Variants in DNAH9 observed in about 807,000 individuals in gnomAD.
DNAH9 encodes dynein axonemal heavy chain 9, also known as DNAH9 variant protein.
DNAH9 carries 345 observed loss-of-function variants against 471.6 expected under a neutral mutation model. The observed-to-expected ratio is 0.73, with a 90% CI of 0.67 to 0.80. DNAH9 has a LOEUF of 0.80. DNAH9 is among the 30% of genes least tolerant of loss of function. The probability of loss-of-function intolerance (pLI) is 0.00; values close to 1 mark genes in which losing one functional copy is unlikely to be tolerated. For synonymous variants in DNAH9, 2,093 were observed against 2,123.6 expected, an observed-to-expected ratio of 0.99 and a Z score of 0.40; for missense variants, 5,407 against 5,609.2, an observed-to-expected ratio of 0.96 and a Z score of 1.15.
At chr17:11,803,856 C>T (rs1969560225) in intron 43 of DNAH9, among the ~76,000 whole-genome samples, 1 of 152,210 alleles carries the variant, frequency 6.6e-6, no homozygotes, top group Non-Finnish European at 1.5e-5. Flanking sequence ...CTCCACTAAT[C>T]CTTTCCTGCC....
chr17:11,869,982 C>CT (rs1177867116), intron 51 of DNAH9, among the ~76,000 whole-genome samples: 1 of 152,152 alleles, frequency 6.6e-6, no homozygotes, highest in African/African-American at 2.4e-5. Context: ...TGCTGGGCAT[C>CT]TTGGCAGTGA....
chr17:11,813,179 C>T lies in DNAH9; in HGVS notation c.8707+2810C>T, dbSNP rs954896600. Among the ~76,000 whole-genome samples the T allele has an allele frequency of 2.6e-5, 4 of 151,816 alleles. No individual in the cohort carries two copies. In the East Asian group the frequency reaches 7.7e-4, roughly 29 times the overall value. On this transcript the variant is annotated intron_variant, in intron 45 of 68. Transcript: ENST00000262442. Reference sequence around the variant, plus strand: ...GCCCTCCCAGTGAAAATGCAATCAGCCGGTTCCAAAGTCATGGAGTTTTAG... The same window carrying T: ...GCCCTCCCAGTGAAAATGCAATCAGTCGGTTCCAAAGTCATGGAGTTTTAG...
At chr17:11,728,099 T>C (rs144100624) in intron 28 of DNAH9, 177 bp downstream of exon 28, 14 of 588,898 alleles carry the variant, frequency 2.4e-5, no homozygotes, top group Non-Finnish European at 4.3e-5. Context: ...CCAAAATGGG[T>C]ATCCTTCTGT....
intron 40 of DNAH9, among the ~76,000 whole-genome samples, chr17:11,784,096 C>A (rs150156621): frequency 1.8e-4 from 27 of 152,286 alleles, no homozygotes; most frequent in Admixed American, 5.2e-4. Flanking sequence ...CTGCCCCAGG[C>A]TGCCATCTTT....
rs562197232 is a variant in DNAH9 at position 11,691,213 on chromosome 17, A to G, written c.4614+777A>G. The stretch of plus-strand genomic sequence containing the variant: ...CAAAAAGCATATTTAGTGTAATACT[A>G]TAGATTAAAGGTTGTATATTTGCAG... On this transcript the variant is annotated intron_variant, in intron 20 of 68. Coordinates refer to ENST00000262442, the MANE Select transcript of DNAH9 (RefSeq NM_001372.4). Among the ~76,000 whole-genome samples the G allele has an allele frequency of 3.3e-5, 5 of 152,332 alleles. No homozygotes were observed. In the South Asian group the frequency reaches 8.3e-4, roughly 25 times the overall value.
At chr17:11,638,407 C>T (rs1156652000) in intron 9 of DNAH9, among the ~76,000 whole-genome samples, 3 of 151,636 alleles carry the variant, frequency 2.0e-5, no homozygotes, top group African/African-American at 2.4e-5. Context: ...TTTTTTAAGA[C>T]GGCGTCTGGC....
intron 67 of DNAH9, among the ~76,000 whole-genome samples, chr17:11,952,509 TGTGGCTA>T (rs1975422747): frequency 6.6e-6 from 1 of 151,992 alleles, no homozygotes; most frequent in South Asian, 2.1e-4. Context: ...AATAGCCACA[TGTGGCTA>T]GTGGCTATCA....
Position 11,841,953 on chromosome 17 carries a change from T to C in DNAH9, c.9507+7055T>C, listed in dbSNP as rs188456416. Among the ~76,000 whole-genome samples, 809 of 152,226 alleles carry C rather than the reference T, an allele frequency of 5.3e-3. 7 individuals carry two copies. The highest frequency in any genetic ancestry group is 0.017 in the African/African-American group (718 of 41,534). ...CTATGCCCATTTTCTCACAAGGTAG[T>C]TTTCCTTCTTTTTATTTCCTTCCTT... On this transcript the variant is annotated intron_variant, in intron 49 of 68. Transcript: ENST00000262442.
intron 31 of DNAH9, among the ~76,000 whole-genome samples, chr17:11,745,680 TA>T (rs888243128): frequency 6.6e-6 from 1 of 152,184 alleles, no homozygotes; most frequent in African/African-American, 2.4e-5. Context: ...AAGGAAATTT[TA>T]AAAAATGATA....
chr17:11,781,995 A>C (rs1259974670), intron 39 of DNAH9, among the ~76,000 whole-genome samples: 1 of 152,062 alleles, frequency 6.6e-6, no homozygotes, highest in African/African-American at 2.4e-5. Context: ...TACTAGGAAA[A>C]AAAAAAAAAG....
chr17:11,890,705 G>T (rs988609058), intron 57 of DNAH9, among the ~76,000 whole-genome samples: 3 of 151,966 alleles, frequency 2.0e-5, no homozygotes, highest in Admixed American at 2.0e-4. Context: ...GTGTTGTTTT[G>T]TTTTGTTTCT....
At position 11,875,074 on chromosome 17, in the gene DNAH9, C is replaced by T. The variant is rs1243781748; in HGVS notation, c.10368C>T (p.Leu3456=). 1.2e-6 allele frequency: 2 copies of T among 1,614,140 alleles called. No homozygotes were observed. Among genetic ancestry groups the T allele is most frequent in the African/African-American group, 1.3e-5 (1 of 75,028 alleles). ...TGTCCGTGGAGAATGCCACCATTCT[C>T]ATCAACTGTGAGCGCTGGCCACTCA... ...DRMSVENATI[L]INCERWPLMV... Residue 3456 remains leucine, a synonymous_variant, in exon 53 of 69, where the codon CTC becomes CTT. Transcript: ENST00000262442.
intron 50 of DNAH9, among the ~76,000 whole-genome samples, chr17:11,862,811 GCTCT>G (rs1444216973): frequency 6.6e-6 from 1 of 151,718 alleles, no homozygotes; most frequent in African/African-American, 2.4e-5. Flanking sequence ...TCATGATTTG[GCTCT>G]CTGTTTGTCT....
intron 45 of DNAH9, among the ~76,000 whole-genome samples, chr17:11,813,135 G>A: frequency 6.6e-6 from 1 of 151,356 alleles, no homozygotes; most frequent in East Asian, 1.9e-4. Context: ...TTTTTTTCAA[G>A]TGCAAACGAA....
At chr17:11,674,982 T>G (rs1878820516) in intron 17 of DNAH9, among the ~76,000 whole-genome samples, 1 of 151,738 alleles carries the variant, frequency 6.6e-6, no homozygotes, top group African/African-American at 2.4e-5. Context: ...TTCATATAAA[T>G]TTTAGTCATC....
intron 43 of DNAH9, 27 bp downstream of exon 43, chr17:11,797,820 C>G: frequency 6.3e-7 from 1 of 1,597,398 alleles, no homozygotes; most frequent in Non-Finnish European, 8.5e-7. Flanking sequence ...TCTTCCTTTT[C>G]CTCAGTTGCT....
At chr17:11,729,080 A>G (rs1012399678) in intron 28 of DNAH9, among the ~76,000 whole-genome samples, 1 of 152,206 alleles carries the variant, frequency 6.6e-6, no homozygotes, top group Non-Finnish European at 1.5e-5. Flanking sequence ...GAGAACCCCC[A>G]GAGACATCTG....
intron 54 of DNAH9, 53 bp downstream of exon 54, chr17:11,880,253 G>A: frequency 6.3e-7 from 1 of 1,598,632 alleles, no homozygotes; most frequent in East Asian, 2.3e-5. Flanking sequence ...TCATGGCCCT[G>A]GTTAGAATCA....
intron 45 of DNAH9, among the ~76,000 whole-genome samples, chr17:11,813,492 A>G (rs148395072): frequency 3.9e-5 from 6 of 152,316 alleles, no homozygotes; most frequent in Non-Finnish European, 8.8e-5. Context: ...TTGTGGGGTT[A>G]TGCAATGACT....
Sources: allele counts gnomAD v4.1 joint callset (sites outside exome capture counted in the v4.1 genomes callset), GRCh38; gene constraint gnomAD v4.1.1; transcripts MANE v1.5; gene names NCBI Gene and HGNC (gene_info 2026-07-23, HGNC 2026-07-21).